SLC23A2: variants seen among roughly 807,000 people sequenced by gnomAD.
The protein encoded by SLC23A2 is solute carrier family 23 member 2.
SLC23A2 carries 36 observed loss-of-function variants against 73.3 expected under a neutral mutation model. That is an observed-to-expected ratio of 0.49 (90% CI 0.38 to 0.65). The LOEUF (loss-of-function observed/expected upper bound fraction) is 0.65. Among genes scored for constraint, SLC23A2 ranks in the 30% least tolerant of loss-of-function variants. SLC23A2 has a pLI of 0.00. For missense variants in SLC23A2, 507 were observed against 841.6 expected (o/e 0.60, Z 4.92); for synonymous variants, 343 against 327.3 (o/e 1.05, Z -0.52).
chr20:4,995,847 T>C (rs902998654), intron 1 of SLC23A2, among the ~76,000 whole-genome samples: 2 of 152,092 alleles, frequency 1.3e-5, no homozygotes, highest in African/African-American at 4.8e-5. Context: ...CTGATCAACG[T>C]GAAAGAACAC....
chr20:4,940,333 A>G (rs1414948559), intron 2 of SLC23A2, among the ~76,000 whole-genome samples: 1 of 152,118 alleles, frequency 6.6e-6, no homozygotes, highest in East Asian at 1.9e-4. Context: ...AACAATAATA[A>G]TAAGCAAGGA....
At chr20:5,004,404 T>G (rs2088167212), upstream of SLC23A2, among the ~76,000 whole-genome samples, 1 of 152,210 alleles carries the variant, frequency 6.6e-6, no homozygotes, top group Admixed American at 6.5e-5. Context: ...CACTGGCTCT[T>G]TCTTGGACTG....
intron 3 of SLC23A2, among the ~76,000 whole-genome samples, chr20:4,929,826 C>T (rs1469336854): frequency 6.6e-6 from 1 of 151,968 alleles, no homozygotes; most frequent in Non-Finnish European, 1.5e-5. Context: ...AAGAGGATAC[C>T]CAAATCATTA....
intron 4 of SLC23A2, among the ~76,000 whole-genome samples, chr20:4,909,452 T>C (rs1932067778): frequency 6.6e-6 from 1 of 152,166 alleles, no homozygotes; most frequent in African/African-American, 2.4e-5. Flanking sequence ...TTTGGACTGT[T>C]TACTATTAGA....
intron 1 of SLC23A2, among the ~76,000 whole-genome samples, chr20:4,985,497 G>C (rs977499303): frequency 1.3e-5 from 2 of 151,632 alleles, no homozygotes; most frequent in African/African-American, 4.9e-5. Context: ...GCCCAGGCTG[G>C]AGTGCAGTAG....
chr20:4,946,130 T>C (rs1316439757), intron 2 of SLC23A2, among the ~76,000 whole-genome samples: 1 of 152,222 alleles, frequency 6.6e-6, no homozygotes, highest in African/African-American at 2.4e-5. Context: ...GTGGACTTAA[T>C]TCTTTTAAGA....
upstream of SLC23A2, among the ~76,000 whole-genome samples, chr20:5,005,000 A>AACATAAAT (rs2088174925): frequency 7.0e-6 from 1 of 143,346 alleles, no homozygotes; most frequent in Non-Finnish European, 1.5e-5. Flanking sequence ...CTCCGTCTCA[A>AACATAAAT]AAATAAATAA....
intron 2 of SLC23A2, among the ~76,000 whole-genome samples, chr20:4,939,518 C>A (rs1183218437): frequency 6.6e-6 from 1 of 152,222 alleles, no homozygotes; most frequent in Non-Finnish European, 1.5e-5. Context: ...ATGAGCAAGC[C>A]TCTTTCGATG....
chr20:4,912,491 C>T (rs1932190993), intron 4 of SLC23A2, among the ~76,000 whole-genome samples: 1 of 151,984 alleles, frequency 6.6e-6, no homozygotes, highest in African/African-American at 2.4e-5. Flanking sequence ...ATTTTAGAGA[C>T]AGGGAACTGA....
intron 6 of SLC23A2, among the ~76,000 whole-genome samples, chr20:4,889,067 C>T (rs181793699): frequency 1.3e-5 from 2 of 152,146 alleles, no homozygotes; most frequent in African/African-American, 4.8e-5. Flanking sequence ...TAAGCAGATA[C>T]GACGATGGAA....
At chr20:5,006,445 T>C (rs962884639), upstream of SLC23A2, among the ~76,000 whole-genome samples, 29 of 152,046 alleles carry the variant, frequency 1.9e-4, no homozygotes, top group Non-Finnish European at 2.4e-4. Flanking sequence ...ATGAAAATAA[T>C]AGAATTTGGG....
At chr20:4,971,194 C>G (rs772548896) in intron 1 of SLC23A2, among the ~76,000 whole-genome samples, 11 of 151,718 alleles carry the variant, frequency 7.3e-5, no homozygotes, top group Non-Finnish European at 1.5e-4. Flanking sequence ...CAGCCAGGCA[C>G]AGTGGCTCAC....
chr20:4,997,401 C>T (rs2088042141), intron 1 of SLC23A2, among the ~76,000 whole-genome samples: 1 of 151,544 alleles, frequency 6.6e-6, no homozygotes, highest in African/African-American at 2.4e-5. Context: ...GTTTCCTCCC[C>T]TCAGAATGAT....
intron 3 of SLC23A2, among the ~76,000 whole-genome samples, chr20:4,913,790 C>A (rs1932237510): frequency 6.6e-6 from 1 of 151,920 alleles, no homozygotes; most frequent in Non-Finnish European, 1.5e-5. Flanking sequence ...CAACACCTGG[C>A]TAATTTTTAT....
intron 2 of SLC23A2, among the ~76,000 whole-genome samples, chr20:4,941,562 C>T (rs566199131): frequency 1.5e-4 from 23 of 151,842 alleles, no homozygotes; most frequent in East Asian, 1.2e-3. Context: ...AATAGCCAGG[C>T]GTGGTGGAGC....
At chr20:4,985,988 T>G (rs920349694) in intron 1 of SLC23A2, among the ~76,000 whole-genome samples, 29 of 152,194 alleles carry the variant, frequency 1.9e-4, no homozygotes, top group African/African-American at 6.8e-4. Context: ...TGTGTTATTC[T>G]GGATGTAGGG....
intron 2 of SLC23A2, among the ~76,000 whole-genome samples, chr20:4,941,589 C>A (rs113679883): frequency 6.6e-6 from 1 of 151,626 alleles, no homozygotes; most frequent in African/African-American, 2.4e-5. Flanking sequence ...GTAATCCCAG[C>A]CACTTGGTAG....
chr20:4,985,379 G>A (rs1325800081), intron 1 of SLC23A2, among the ~76,000 whole-genome samples: 1 of 151,916 alleles, frequency 6.6e-6, no homozygotes, highest in Non-Finnish European at 1.5e-5. Flanking sequence ...TGGAGGTACT[G>A]ACACATGCTG....
intron 3 of SLC23A2, among the ~76,000 whole-genome samples, chr20:4,920,058 C>T (rs553559421): frequency 3.9e-5 from 6 of 152,176 alleles, no homozygotes; most frequent in South Asian, 2.1e-4. Flanking sequence ...GTCAGGAGTT[C>T]GAGACCAGCC....
Sources: allele counts gnomAD v4.1 joint callset (sites outside exome capture counted in the v4.1 genomes callset), GRCh38; gene constraint gnomAD v4.1.1; transcripts MANE v1.5; gene names NCBI Gene and HGNC (gene_info 2026-07-23, HGNC 2026-07-21).